The following YPEL3 variants were observed in gnomAD, a reference collection of about 807,000 sequenced individuals.
The protein encoded by YPEL3 is protein yippee-like 3.
YPEL3 carries 5 observed loss-of-function variants against 17.5 expected under a neutral mutation model. The ratio of observed to expected loss-of-function variants is 0.29; its 90% confidence interval spans 0.15 to 0.60. The LOEUF is 0.60. YPEL3 is among the 20% of genes least tolerant of loss of function. YPEL3 has a pLI of 0.87. For missense variants in YPEL3, 155 were observed against 211.4 expected (o/e 0.73, Z 1.65); for synonymous variants, 87 against 87.2 (o/e 1.00, Z 0.01).
At chr16:30,092,829 G>A (rs756135298) in intron 3 of YPEL3, 30 bp from the exon 4 acceptor site, 3 of 1,598,554 alleles carry the variant, frequency 1.9e-6, no homozygotes, top group Admixed American at 1.7e-5. Context: ...CGTCATCCCC[G>A]GAGCAACAGT....
At position 30,095,208 on chromosome 16, in the gene YPEL3, G is replaced by C; in HGVS notation, c.231+44C>G. The C allele has an allele frequency of 6.2e-7, 1 of 1,614,068 alleles. No homozygotes were observed. Among genetic ancestry groups the C allele is most frequent in the Non-Finnish European group, 8.5e-7 (1 of 1,179,916 alleles). ...AGGGCTGCCGGTGGGGAGCTGCCAG[G>C]CAGCCCCTATAGGTTCCAGCCCCAC... is the stretch of plus-strand genomic sequence containing the variant. On this transcript the variant is annotated intron_variant, in intron 1 of 3. Coordinates refer to ENST00000398841, the MANE Select transcript of YPEL3 (RefSeq NM_031477.5). This position sits in a 1 kb window ranked among gnomAD's most constrained non-coding sequence, Gnocchi z 5.4.
Position 30,096,142 on chromosome 16 carries a change from G to A in YPEL3, c.-660C>T, listed in dbSNP as rs2151036558. The A allele has an allele frequency of 6.6e-6, 1 of 150,480 alleles. No homozygotes were observed. Among genetic ancestry groups the A allele is most frequent in the Admixed American group, 6.6e-5 (1 of 15,142 alleles). 9.3% of individuals were successfully genotyped at this position (150,480 alleles called of 1,614,324 possible). ...CCGGTCCGCCGGGGTGGGCTGGCCT[G>A]GGAGTGGGGGGCGCTCCTGGCGGGC... is the stretch of plus-strand genomic sequence containing the variant. On this transcript the variant is annotated 5_prime_UTR_variant, in exon 1 of 4. Transcript: ENST00000398841.
chr16:30,095,174 G>A lies in YPEL3; in HGVS notation c.232-28C>T, dbSNP rs752282414. Reference sequence around the variant, plus strand: ...AAAGGGTGAGAGGGTGGGAAGAGAGGAGGGGGTCAGGGCTGCCGGTGGGGA... The same window carrying A: ...AAAGGGTGAGAGGGTGGGAAGAGAGAAGGGGGTCAGGGCTGCCGGTGGGGA... On this transcript the variant is annotated intron_variant, in intron 1 of 3. Transcript: ENST00000398841. This position sits in a 1 kb window ranked among gnomAD's most constrained non-coding sequence, Gnocchi z 5.4. 5 of 1,614,150 alleles carry A rather than the reference G, an allele frequency of 3.1e-6. No homozygotes were observed. Among genetic ancestry groups the A allele is most frequent in the Admixed American group, 1.7e-5 (1 of 60,028 alleles).
rs2072792363 is a variant in YPEL3 at position 30,096,152 on chromosome 16, G to C, written c.-670C>G. ...GGGGTGGGCTGGCCTGGGAGTGGGG[G>C]GCGCTCCTGGCGGGCGCCGTCCCCC... On this transcript the variant is annotated 5_prime_UTR_variant, in exon 1 of 4. Coordinates refer to ENST00000398841, the MANE Select transcript of YPEL3 (RefSeq NM_031477.5). The C allele has an allele frequency of 6.7e-6, 1 of 150,312 alleles. No homozygotes were observed. The highest frequency in any genetic ancestry group is 1.5e-5 in the Non-Finnish European group (1 of 67,320). 9.3% of individuals were successfully genotyped at this position (150,312 alleles called of 1,614,324 possible).
chr16:30,095,995 C>A lies in YPEL3; in HGVS notation c.-513G>T, dbSNP rs1343719611. ...AGCCTTACCTGGACTCCGGGGCTCA[C>A]CTGGGGCGCGGGGGTGGGGGCGGGC... On this transcript the variant is annotated 5_prime_UTR_variant, in exon 1 of 4. Coordinates refer to ENST00000398841, the MANE Select transcript of YPEL3 (RefSeq NM_031477.5). The surrounding 1 kb of genome is among the most constrained non-coding windows in gnomAD (Gnocchi z 5.4). 7.3e-6 allele frequency: 1 copy of A among 136,906 alleles called. No individual in the cohort carries two copies. The highest frequency in any genetic ancestry group is 1.6e-5 in the Non-Finnish European group (1 of 62,920). 8.5% of individuals were successfully genotyped at this position (136,906 alleles called of 1,614,324 possible).
In YPEL3 at chr16:30,095,492, TC is replaced by T. The variant is rs2072783397; in HGVS notation, c.-11del. The T allele has an allele frequency of 3.4e-6, 5 of 1,490,772 alleles. No individual in the cohort carries two copies. Among genetic ancestry groups the T allele is most frequent in the Middle Eastern group, 2.3e-4 (1 of 4,308 alleles). The allele number at this position is 1,490,772 out of a possible 1,614,324, so 92.3% of individuals were successfully genotyped here. A position where few individuals can be genotyped will look rare whatever the true frequency, so the allele number is the denominator to read the frequency against. ...CCTGGGCCACACACATGCGAGGCAC[TC>T]CCAGAGCCGTGGGGACTCGCTCTGT... On this transcript the variant is annotated 5_prime_UTR_variant, in exon 1 of 4. Coordinates refer to ENST00000398841, the MANE Select transcript of YPEL3 (RefSeq NM_031477.5). The surrounding 1 kb of genome is among the most constrained non-coding windows in gnomAD (Gnocchi z 5.4).
chr16:30,092,507 G>A lies in YPEL3; in HGVS notation c.*203C>T. The stretch of plus-strand genomic sequence containing the variant: ...TTAAAAACGAGATCCAAGCCAGCCA[G>A]ATCGCAGGAGGTGCGGGGGCGTCGT... On this transcript the variant is annotated 3_prime_UTR_variant, in exon 4 of 4. Transcript: ENST00000398841. 1 of 571,714 alleles carries A rather than the reference G, an allele frequency of 1.7e-6. No homozygotes were observed. The highest frequency in any genetic ancestry group is 2.3e-5 in the South Asian group (1 of 42,598). The allele number at this position is 571,714 out of a possible 1,614,324, so 35.4% of individuals were successfully genotyped here.
Position 30,094,805 on chromosome 16 carries a change from G to A in YPEL3, c.368C>T (p.Thr123Ile). The A allele has an allele frequency of 6.2e-7, 1 of 1,614,170 alleles. No individual in the cohort carries two copies. The highest frequency in any genetic ancestry group is 1.3e-5 in the African/African-American group (1 of 75,040). Residue 123 changes from threonine (T) to isoleucine (I), a missense_variant, in exon 3 of 4, where the codon ACT becomes ATT. By Grantham distance (89) the Thr-to-Ile change is moderately conservative. Transcript: ENST00000398841. ...ADIHCENCKT[T>I]LGWKYEQAFE... is the part of the protein sequence containing the mutation. ...GTGACTCACATATTTCCAGCCCAAA[G>A]TGGTCTTGCAGTTCTCGCAGTGGAT...
At chr16:30,093,088 GT>G (rs1395006166) in intron 3 of YPEL3, among the ~76,000 whole-genome samples, 1 of 152,186 alleles carries the variant, frequency 6.6e-6, no homozygotes, top group Non-Finnish European at 1.5e-5. Flanking sequence ...CCTACAACAT[GT>G]ATTATGTTTG....
Position 30,095,402 on chromosome 16 carries a change from A to G in YPEL3, c.81T>C (p.Ala27=). 1 of 1,611,566 alleles carries G rather than the reference A, an allele frequency of 6.2e-7. No individual in the cohort carries two copies. The highest frequency in any genetic ancestry group is 8.5e-7 in the Non-Finnish European group (1 of 1,178,810). Residue 27 remains alanine, a synonymous_variant, in exon 1 of 4, where the codon GCT becomes GCC. Transcript: ENST00000398841. This position sits in a 1 kb window ranked among gnomAD's most constrained non-coding sequence, Gnocchi z 5.4. ...CCGGGGGCAGTGGCCCCACGCGGGG[A>G]GCGGCCCACGGGGAGCAGAGGGAGC... is the stretch of plus-strand genomic sequence containing the variant. ...ALGSLCSPWA[A]PRVGPLPPAP...
In YPEL3 at chr16:30,092,539, T is replaced by A. The variant is rs1467639025; in HGVS notation, c.*171A>T. 4 of 604,072 alleles carry A rather than the reference T, an allele frequency of 6.6e-6. No homozygotes were observed. In the African/African-American group the frequency reaches 7.4e-5, roughly 11 times the overall value. 37.4% of individuals were successfully genotyped at this position (604,072 alleles called of 1,614,324 possible). A position where few individuals can be genotyped will look rare whatever the true frequency, so the allele number is the denominator to read the frequency against. ...GGAGGTGCGGGGGCGTCGTCCCCCT[T>A]CTGTTCTCCCCCCAAGGTCACAGTG... On this transcript the variant is annotated 3_prime_UTR_variant, in exon 4 of 4. Coordinates refer to ENST00000398841, the MANE Select transcript of YPEL3 (RefSeq NM_031477.5).
At chr16:30,094,542 A>G in intron 3 of YPEL3, 1 of 536,236 alleles carries the variant, frequency 1.9e-6, no homozygotes, top group East Asian at 3.3e-5. Context: ...AACATTCCAT[A>G]AATGGTGACT....
At position 30,092,536 on chromosome 16, in the gene YPEL3, C is replaced by T. The variant is rs2072742403; in HGVS notation, c.*174G>A. On this transcript the variant is annotated 3_prime_UTR_variant, in exon 4 of 4. Coordinates refer to ENST00000398841, the MANE Select transcript of YPEL3 (RefSeq NM_031477.5). ...GCAGGAGGTGCGGGGGCGTCGTCCC[C>T]CTTCTGTTCTCCCCCCAAGGTCACA... 4 of 599,070 alleles carry T rather than the reference C, an allele frequency of 6.7e-6. No homozygotes were observed. The highest frequency in any genetic ancestry group is 6.0e-5 in the Admixed American group (2 of 33,122). The allele number at this position is 599,070 out of a possible 1,614,324, so 37.1% of individuals were successfully genotyped here.
At chr16:30,094,678 G>C in intron 3 of YPEL3, 111 bp downstream of exon 3, 1 of 1,009,968 alleles carries the variant, frequency 9.9e-7, no homozygotes, top group Non-Finnish European at 1.6e-6. Flanking sequence ...ATGCTGACTT[G>C]TGTGAGCTCG....
In YPEL3 at chr16:30,095,446, G is replaced by A. The variant is rs775191908; in HGVS notation, c.37C>T (p.Pro13Ser). The change falls in exon 1 of 4, where the codon CCT (proline) becomes TCT (serine). Residue 13 changes from proline to serine, a missense_variant. By Grantham distance (74) the Pro-to-Ser change is moderately conservative. Around this residue, in one of 3 missense-constraint regions of YPEL3, gnomAD observed 58 missense variants for 60.0 expected, o/e 0.97. Transcript: ENST00000398841. The surrounding 1 kb of genome is among the most constrained non-coding windows in gnomAD (Gnocchi z 5.4). ...AGGGAGCCCAGTGCCTGCCGGGGAGGGAGTAGGTGGGCTGTCAGGACCTGG... is the reference window on the plus strand; with the variant it reads ...AGGGAGCCCAGTGCCTGCCGGGGAGAGAGTAGGTGGGCTGTCAGGACCTGG... ...VAQVLTAHLL[P>S]PRQALGSLCS... 1.3e-6 allele frequency: 2 copies of A among 1,580,600 alleles called. No individual in the cohort carries two copies. Among genetic ancestry groups the A allele is most frequent in the Non-Finnish European group, 1.7e-6 (2 of 1,163,914 alleles).
Position 30,095,636 on chromosome 16 carries a change from G to A in YPEL3, c.-154C>T, listed in dbSNP as rs928629167. 27 of 660,084 alleles carry A rather than the reference G, an allele frequency of 4.1e-5. No individual in the cohort carries two copies. Among genetic ancestry groups the A allele is most frequent in the Non-Finnish European group, 6.6e-5 (27 of 408,908 alleles). The allele number at this position is 660,084 out of a possible 1,614,324, so 40.9% of individuals were successfully genotyped here. A position where few individuals can be genotyped will look rare whatever the true frequency, so the allele number is the denominator to read the frequency against. On this transcript the variant is annotated 5_prime_UTR_variant, in exon 1 of 4. Coordinates refer to ENST00000398841, the MANE Select transcript of YPEL3 (RefSeq NM_031477.5). The surrounding 1 kb of genome is among the most constrained non-coding windows in gnomAD (Gnocchi z 5.4). ...TGCATCCATGGGGAAACTGAGGCTCGGAGGTGCCCAGGGTGAGTCACCCGC... is the reference window on the plus strand; with the variant it reads ...TGCATCCATGGGGAAACTGAGGCTCAGAGGTGCCCAGGGTGAGTCACCCGC...
At position 30,092,559 on chromosome 16, in the gene YPEL3, A is replaced by C; in HGVS notation, c.*151T>G. On this transcript the variant is annotated 3_prime_UTR_variant, in exon 4 of 4. Transcript: ENST00000398841. ...CCCCTTCTGTTCTCCCCCCAAGGTC[A>C]CAGTGCATGCAATAAAATATATATA... 1 of 637,016 alleles carries C rather than the reference A, an allele frequency of 1.6e-6. No homozygotes were observed. The highest frequency in any genetic ancestry group is 2.1e-5 in the South Asian group (1 of 48,350). 39.5% of individuals were successfully genotyped at this position (637,016 alleles called of 1,614,324 possible). A position where few individuals can be genotyped will look rare whatever the true frequency, so the allele number is the denominator to read the frequency against.
At chr16:30,093,541 C>T (rs1463931809) in intron 3 of YPEL3, among the ~76,000 whole-genome samples, 1 of 151,854 alleles carries the variant, frequency 6.6e-6, no homozygotes, top group Non-Finnish European at 1.5e-5. Context: ...GGATTACAGG[C>T]GTGAGCCACC....
rs1388978175 is a variant in YPEL3, at chr16:30,092,526, GC to G, written c.*183del. ...CAGCCAGATCGCAGGAGGTGCGGGG[GC>G]GTCGTCCCCCTTCTGTTCTCCCCCC... On this transcript the variant is annotated 3_prime_UTR_variant, in exon 4 of 4. Coordinates refer to ENST00000398841, the MANE Select transcript of YPEL3 (RefSeq NM_031477.5). The G allele has an allele frequency of 1.7e-6, 1 of 580,666 alleles. No homozygotes were observed. The highest frequency in any genetic ancestry group is 2.8e-5 in the East Asian group (1 of 35,206). 36.0% of individuals were successfully genotyped at this position (580,666 alleles called of 1,614,324 possible).
Sources: allele counts gnomAD v4.1 joint callset (sites outside exome capture counted in the v4.1 genomes callset), GRCh38; gene constraint gnomAD v4.1.1; regional missense constraint gnomAD v4.1.1; non-coding constraint Gnocchi (gnomAD v3.1); transcripts MANE v1.5; gene names NCBI Gene and HGNC (gene_info 2026-07-23, HGNC 2026-07-21).